Variants in ALK observed in about 807,000 individuals in gnomAD.
The protein encoded by ALK is ALK tyrosine kinase receptor.
A neutral mutation model predicts 163.1 loss-of-function variants in ALK; 74 were observed. The ratio of observed to expected loss-of-function variants is 0.45; its 90% CI spans 0.38 to 0.55. The LOEUF (loss-of-function observed/expected upper bound fraction) is 0.55. ALK is among the 20% of genes least tolerant of loss of function. The pLI is 0.00. For missense variants in ALK, 2,063 were observed against 2,105.3 expected (o/e 0.98, Z 0.39); for synonymous variants, 960 against 843.2 (o/e 1.14, Z -2.40).
chr2:29,578,143 A>T (rs933885575), intron 3 of ALK, among the ~76,000 whole-genome samples: 5 of 151,826 alleles, frequency 3.3e-5, no homozygotes, highest in African/African-American at 1.2e-4. Context: ...TGCTGTTCTC[A>T]TGATAGTGAA....
intron 3 of ALK, chr2:29,680,996 G>C (rs958850623): frequency 1.3e-5 from 2 of 152,038 alleles, no homozygotes; most frequent in Admixed American, 6.6e-5. Flanking sequence ...TTTTTCAGGT[G>C]CTTATTTTTA....
At chr2:29,544,776 G>A (rs1301727628) in intron 3 of ALK, among the ~76,000 whole-genome samples, 2 of 151,934 alleles carry the variant, frequency 1.3e-5, no homozygotes, top group African/African-American at 4.8e-5. Context: ...CACTGGTCTC[G>A]CTACCTGAGG....
At chr2:29,445,271 G>C (rs1003221052) in intron 4 of ALK, among the ~76,000 whole-genome samples, 4 of 152,182 alleles carry the variant, frequency 2.6e-5, no homozygotes, top group African/African-American at 7.2e-5. Context: ...AATGAAAAAG[G>C]TCCCATGGAG....
At chr2:29,293,915 A>C (rs1224994863) in intron 9 of ALK, among the ~76,000 whole-genome samples, 2 of 152,126 alleles carry the variant, frequency 1.3e-5, no homozygotes, top group Non-Finnish European at 2.9e-5. Flanking sequence ...TTACTTTAAA[A>C]ATTTTGTAAT....
intron 26 of ALK, among the ~76,000 whole-genome samples, chr2:29,198,703 C>A (rs887086165): frequency 6.6e-6 from 1 of 152,170 alleles, no homozygotes; most frequent in South Asian, 2.1e-4. Flanking sequence ...ATAATAATGA[C>A]AACTTTTGCT....
intron 1 of ALK, among the ~76,000 whole-genome samples, chr2:29,768,020 T>G (rs1383759879): frequency 6.6e-6 from 1 of 152,232 alleles, no homozygotes; most frequent in Non-Finnish European, 1.5e-5. Context: ...TGCTATTTCT[T>G]GTCTTAGTGA....
At chr2:29,384,877 C>A (rs1668991291) in intron 4 of ALK, among the ~76,000 whole-genome samples, 1 of 152,010 alleles carries the variant, frequency 6.6e-6, no homozygotes, top group South Asian at 2.1e-4. Context: ...ATGGTGAAAC[C>A]CTGTCTCTAC....
chr2:29,465,977 G>A (rs1481765037), intron 4 of ALK, among the ~76,000 whole-genome samples: 1 of 152,090 alleles, frequency 6.6e-6, no homozygotes, highest in Non-Finnish European at 1.5e-5. Flanking sequence ...ATACAAGAAT[G>A]TAAAGATCTT....
At position 29,512,966 on chromosome 2, in the gene ALK, A is replaced by G. The variant is rs1474063861; in HGVS notation, c.1154+18949T>C. ...AGGGACGTGAAGGACCTCTTCAAGG[A>G]GAACTACAAACCACTGCTCAATGAA... On this transcript the variant is annotated intron_variant, in intron 4 of 28. Coordinates refer to ENST00000389048, the MANE Select transcript of ALK (RefSeq NM_004304.5). Among the ~76,000 whole-genome samples, 145 of 151,406 alleles carry G rather than the reference A, an allele frequency of 9.6e-4. 1 individual carries two copies. The highest frequency in any genetic ancestry group is 3.2e-3 in the African/African-American group (132 of 40,948).
intron 5 of ALK, among the ~76,000 whole-genome samples, chr2:29,369,798 A>G (rs1668598534): frequency 6.6e-6 from 1 of 152,238 alleles, no homozygotes; most frequent in East Asian, 1.9e-4. Context: ...GAGATGGAAA[A>G]TGATCTGTCT....
chr2:29,375,635 CAAAA>C (rs949899368), intron 5 of ALK, among the ~76,000 whole-genome samples: 1 of 151,884 alleles, frequency 6.6e-6, no homozygotes, highest in South Asian at 2.1e-4. Context: ...TTTTAAATGA[CAAAA>C]AAACCCCACA....
At chr2:29,594,934 T>C (rs566659119) in intron 3 of ALK, among the ~76,000 whole-genome samples, 65 of 144,918 alleles carry the variant, frequency 4.5e-4, no homozygotes, top group Non-Finnish European at 8.0e-4. Context: ...TTGAAATAAA[T>C]GAAGTATCTG....
chr2:29,854,903 T>C (rs1666099105), intron 1 of ALK, among the ~76,000 whole-genome samples: 1 of 152,246 alleles, frequency 6.6e-6, no homozygotes, highest in East Asian at 1.9e-4. Context: ...CATTTATTTA[T>C]GTCTTTATTT....
chr2:29,535,433 T>C (rs1673226687), intron 3 of ALK, among the ~76,000 whole-genome samples: 1 of 152,260 alleles, frequency 6.6e-6, no homozygotes, highest in Non-Finnish European at 1.5e-5. Flanking sequence ...GGTCAAACTC[T>C]TTTGTATCTG....
chr2:29,469,275 A>G (rs1671289647), intron 4 of ALK, among the ~76,000 whole-genome samples: 1 of 152,162 alleles, frequency 6.6e-6, no homozygotes, highest in Non-Finnish European at 1.5e-5. Context: ...AATTAGCCAA[A>G]TCAGTGATCA....
chr2:29,236,135 C>A (rs570093600), intron 13 of ALK, among the ~76,000 whole-genome samples: 1 of 151,976 alleles, frequency 6.6e-6, no homozygotes, highest in African/African-American at 2.4e-5. Context: ...AGCCATCACA[C>A]CCTGCTCAGT....
At chr2:29,821,113 G>C (rs1665035649) in intron 1 of ALK, among the ~76,000 whole-genome samples, 1 of 152,218 alleles carries the variant, frequency 6.6e-6, no homozygotes, top group Non-Finnish European at 1.5e-5. Flanking sequence ...AAGTGTCACA[G>C]TGGCACTAGG....
intron 4 of ALK, among the ~76,000 whole-genome samples, chr2:29,474,827 A>G (rs1464164979): frequency 1.3e-5 from 2 of 152,246 alleles, no homozygotes. Flanking sequence ...AGGTGGAGCA[A>G]GGGGTGGTTC....
intron 14 of ALK, among the ~76,000 whole-genome samples, chr2:29,232,981 G>C (rs775421946): frequency 2.0e-5 from 3 of 152,202 alleles, no homozygotes; most frequent in Non-Finnish European, 4.4e-5. Flanking sequence ...AGGGCAGAGA[G>C]CTGGTCCAGG....
Sources: gnomAD v4.1 joint callset for allele counts (sites outside exome capture counted in the v4.1 genomes callset) on GRCh38, gnomAD v4.1.1 for gene constraint, MANE v1.5 for transcripts, NCBI Gene and HGNC (gene_info 2026-07-23, HGNC 2026-07-21) for gene names.